The following MLC1 variants were observed in gnomAD, a reference collection of about 807,000 sequenced individuals.
MLC1 encodes membrane protein MLC1.
MLC1 carries 32 observed loss-of-function variants against 44.7 expected under a neutral mutation model. That is an observed-to-expected ratio of 0.72 (90% CI 0.54 to 0.96). The LOEUF is 0.96. Ranked by LOEUF, MLC1 falls within the 40% of genes least tolerant of loss-of-function variation. The probability of loss-of-function intolerance (pLI) is 0.00; values close to 1 mark genes in which losing one functional copy is unlikely to be tolerated. For missense variants in MLC1, 459 were observed against 492.2 expected (o/e 0.93, Z 0.64); for synonymous variants, 190 against 213.0 (o/e 0.89, Z 0.94).
In MLC1 at chr22:50,060,745, G is replaced by T. The variant is rs1035708287; in HGVS notation, c.*838C>A. 1.0e-5 allele frequency: 1 copy of T among 98,486 alleles called. No homozygotes were observed. The highest frequency in any genetic ancestry group is 3.6e-5 in the African/African-American group (1 of 27,680). 6.1% of individuals were successfully genotyped at this position (98,486 alleles called of 1,614,324 possible). ...AGCTGGGCATGACAGTGCCCGGGAC[G>T]TGGGCAGCGGCCATGTGGCACTCCA... On this transcript the variant is annotated 3_prime_UTR_variant, in exon 12 of 12. Coordinates refer to ENST00000311597, the MANE Select transcript of MLC1 (RefSeq NM_015166.4).
chr22:50,080,574 T>A (rs1281137407), intron 3 of MLC1, among the ~76,000 whole-genome samples, 177 bp from the exon 4 acceptor site: 1 of 152,216 alleles, frequency 6.6e-6, no homozygotes, highest in Non-Finnish European at 1.5e-5. Context: ...TTCTCAGTTT[T>A]AATTTTTTCT....
At chr22:50,068,646 C>T (rs552785305) in intron 9 of MLC1, 91 bp from the exon 10 acceptor site, 314 of 1,342,596 alleles carry the variant, frequency 2.3e-4, no homozygotes, top group Non-Finnish European at 2.8e-4. Context: ...CGGGCATGGC[C>T]GGGCACTCAT....
At chr22:50,077,211 C>T (rs1180287783) in intron 6 of MLC1, among the ~76,000 whole-genome samples, 190 bp downstream of exon 6, 2 of 152,150 alleles carry the variant, frequency 1.3e-5, no homozygotes, top group East Asian at 1.9e-4. Context: ...AGCCAGCGGC[C>T]GCCAACCCCT....
At chr22:50,065,882 G>A (rs192438679) in intron 10 of MLC1, among the ~76,000 whole-genome samples, 7 of 152,362 alleles carry the variant, frequency 4.6e-5, no homozygotes, top group African/African-American at 1.4e-4. Flanking sequence ...GGTTGTTCAC[G>A]GAGGAGTTAT....
At chr22:50,062,501 A>C (rs1214484883) in intron 11 of MLC1, among the ~76,000 whole-genome samples, 1 of 152,230 alleles carries the variant, frequency 6.6e-6, no homozygotes, top group Non-Finnish European at 1.5e-5. Flanking sequence ...CAGCAAAGCA[A>C]CTGAGGAGGC....
At chr22:50,079,417 A>G (rs540398594) in intron 5 of MLC1, among the ~76,000 whole-genome samples, 1 of 147,438 alleles carries the variant, frequency 6.8e-6, no homozygotes, top group South Asian at 2.3e-4. Context: ...CCAATCATCA[A>G]GTGCATTCCA....
In MLC1 at chr22:50,064,134, G is replaced by A. The variant is rs281875313; in HGVS notation, c.959C>T (p.Thr320Met). ...LVLLLQAGLN[T>M]GTAIQCVRFK... ...GCGCACGCACTGGATGGCGGTGCCC[G>A]TGTTGAGGCCGGCCTGCAGCAGGAG... Residue 320 changes from threonine (T) to methionine (M), a missense_variant, in exon 11 of 12, where the codon ACG becomes ATG. By Grantham distance (81) the Thr-to-Met change is moderately conservative (BLOSUM62 -1). Coordinates refer to ENST00000311597, the MANE Select transcript of MLC1 (RefSeq NM_015166.4). 3.4e-5 allele frequency: 54 copies of A among 1,609,082 alleles called. No individual in the cohort carries two copies. Among genetic ancestry groups the A allele is most frequent in the African/African-American group, 6.7e-5 (5 of 74,862 alleles).
intron 7 of MLC1, among the ~76,000 whole-genome samples, 187 bp downstream of exon 7, chr22:50,076,654 C>T (rs993222886): frequency 6.6e-6 from 1 of 152,132 alleles, no homozygotes; most frequent in African/African-American, 2.4e-5. Flanking sequence ...GCACCTTTCG[C>T]GATAAGGAAG....
chr22:50,076,540 G>T (rs1163260960), intron 7 of MLC1, among the ~76,000 whole-genome samples: 1 of 151,102 alleles, frequency 6.6e-6, no homozygotes, highest in Non-Finnish European at 1.5e-5. Flanking sequence ...GGCTGATGGA[G>T]TGAGACTCCG....
At chr22:50,070,678 G>C in intron 8 of MLC1, 95 bp from the exon 9 acceptor site, 3 of 1,321,010 alleles carry the variant, frequency 2.3e-6, no homozygotes, top group Non-Finnish European at 3.2e-6. Flanking sequence ...CTCCATGCAG[G>C]CTGCCTGGCT....
At chr22:50,067,366 G>A (rs2061725942) in intron 10 of MLC1, among the ~76,000 whole-genome samples, 1 of 134,874 alleles carries the variant, frequency 7.4e-6, no homozygotes, top group African/African-American at 2.8e-5. Flanking sequence ...TCCCCCGTCA[G>A]ACAGTGACTC....
intron 9 of MLC1, 95 bp from the exon 10 acceptor site, chr22:50,068,650 C>A: frequency 1.5e-6 from 2 of 1,322,230 alleles, no homozygotes; most frequent in Admixed American, 3.4e-5. Flanking sequence ...CATGGCCGGG[C>A]ACTCATGGGC....
In MLC1 at chr22:50,059,605, C is replaced by T. The variant is rs1023121044; in HGVS notation, c.*1978G>A. 3.9e-5 allele frequency: 6 copies of T among 152,482 alleles called. No homozygotes were observed. The highest frequency in any genetic ancestry group is 3.8e-4 in the East Asian group (2 of 5,304). The allele number at this position is 152,482 out of a possible 1,614,324, so 9.4% of individuals were successfully genotyped here. On this transcript the variant is annotated 3_prime_UTR_variant, in exon 12 of 12. Transcript: ENST00000311597. ...CCCCCAAGAAGACATCAGCCCGCCCCGGGTCGTCCCTGTGGCTCCCACCCC... is the reference window on the plus strand; with the variant it reads ...CCCCCAAGAAGACATCAGCCCGCCCTGGGTCGTCCCTGTGGCTCCCACCCC...
chr22:50,068,321 G>A lies in MLC1; in HGVS notation c.894+112C>T. The A allele has an allele frequency of 3.4e-6, 5 of 1,458,264 alleles. No individual in the cohort carries two copies. The South Asian group carries it at 4.6e-5, about 13-fold the overall frequency. The allele number at this position is 1,458,264 out of a possible 1,614,324, so 90.3% of individuals were successfully genotyped here. A position where few individuals can be genotyped will look rare whatever the true frequency, so the allele number is the denominator to read the frequency against. On this transcript the variant is annotated intron_variant, in intron 10 of 11. Transcript: ENST00000311597. ...AGGAACAGCGGAGGAGGTGCCTCCT[G>A]GAGCTGTCCCTGGAGCCAGCGCCCC...
intron 8 of MLC1, among the ~76,000 whole-genome samples, chr22:50,071,383 C>A (rs1329965156): frequency 1.3e-5 from 2 of 152,302 alleles, no homozygotes; most frequent in East Asian, 3.9e-4. Flanking sequence ...TGAGCCACCG[C>A]ACCTGGCCCT....
intron 8 of MLC1, 127 bp from the exon 9 acceptor site, chr22:50,070,710 G>A (rs980160024): frequency 4.8e-6 from 5 of 1,037,518 alleles, no homozygotes; most frequent in Middle Eastern, 4.1e-4. Flanking sequence ...GGGGGCAGGG[G>A]GGATGGTGCA....
intron 3 of MLC1, among the ~76,000 whole-genome samples, chr22:50,081,057 G>GAAAGAAAGAA (rs1306674913): frequency 3.3e-5 from 5 of 151,314 alleles, no homozygotes; most frequent in East Asian, 1.9e-4. Flanking sequence ...AAGAAAGAAA[G>GAAAGAAAGAA]AGGAGGTCTG....
chr22:50,062,242 C>A (rs1226235263), intron 11 of MLC1, among the ~76,000 whole-genome samples: 15 of 136,066 alleles, frequency 1.1e-4, no homozygotes, highest in African/African-American at 3.5e-4. Context: ...CCCTGAGCCC[C>A]AACCGCCCAC....
At chr22:50,075,542 C>G (rs2061958553) in intron 7 of MLC1, among the ~76,000 whole-genome samples, 2 of 152,034 alleles carry the variant, frequency 1.3e-5, no homozygotes, top group Admixed American at 6.6e-5. Context: ...AACCCCGTCT[C>G]TACTAAAAAT....
Sources: gnomAD v4.1 joint callset for allele counts (sites outside exome capture counted in the v4.1 genomes callset) on GRCh38, gnomAD v4.1.1 for gene constraint, MANE v1.5 for transcripts, NCBI Gene and HGNC (gene_info 2026-07-23, HGNC 2026-07-21) for gene names.